The following DGKE variants were observed in gnomAD, a reference collection of about 807,000 sequenced individuals.
The protein encoded by DGKE is DAG kinase epsilon.
In DGKE, 53 loss-of-function variants were observed where a neutral mutation model predicts 70.0. The observed-to-expected ratio is 0.76, with a 90% CI of 0.61 to 0.95. The LOEUF (loss-of-function observed/expected upper bound fraction) is 0.95, where lower values mean the gene tolerates loss of function less well. Among genes scored for constraint, DGKE ranks in the 40% least tolerant of loss-of-function variants. The pLI, the probability that DGKE is intolerant of heterozygous loss-of-function variation, is 0.00. For missense variants in DGKE, 655 were observed against 706.9 expected (o/e 0.93, Z 0.83); for synonymous variants, 291 against 257.0 (o/e 1.13, Z -1.27).
chr17:56,837,104 T>C (rs765474137), intron 2 of DGKE, among the ~76,000 whole-genome samples: 1 of 152,234 alleles, frequency 6.6e-6, no homozygotes, highest in Non-Finnish European at 1.5e-5. Flanking sequence ...CTGTTAGAAA[T>C]GCAAATTCTA....
intron 4 of DGKE, among the ~76,000 whole-genome samples, chr17:56,847,040 A>G (rs1048065596): frequency 1.3e-5 from 2 of 152,196 alleles, no homozygotes; most frequent in Non-Finnish European, 2.9e-5. Context: ...CACTGTCTCT[A>G]TGATTGTACT....
rs1906524712 is a variant in DGKE, at chr17:56,835,200, C to T, written c.405C>T (p.Cys135=). ...GGATCCGGGGCAACGTGCCCCTGTGCAGTTACTGTATGGTTTGCAAGCAGC... is the reference window on the plus strand; with the variant it reads ...GGATCCGGGGCAACGTGCCCCTGTGTAGTTACTGTATGGTTTGCAAGCAGC... The part of the protein sequence containing the change: ...HHWIRGNVPL[C]SYCMVCKQQC... Residue 135 remains cysteine (C), a synonymous_variant, in exon 2 of 12, where the codon TGC becomes TGT. Transcript: ENST00000284061. 1.2e-6 allele frequency: 2 copies of T among 1,613,822 alleles called. No individual in the cohort carries two copies. Among genetic ancestry groups the T allele is most frequent in the South Asian group, 2.2e-5 (2 of 91,090 alleles).
intron 1 of DGKE, 64 bp from the exon 2 acceptor site, chr17:56,834,714 G>T: frequency 1.4e-6 from 2 of 1,459,666 alleles, no homozygotes; most frequent in Middle Eastern, 2.5e-4. Flanking sequence ...CCCCGGAAAG[G>T]CAGGAAGGGG....
intron 7 of DGKE, 149 bp downstream of exon 7, chr17:56,849,381 G>A: frequency 1.5e-6 from 1 of 648,600 alleles, no homozygotes; most frequent in Non-Finnish European, 2.6e-6. Context: ...TCACAAGCTG[G>A]ACTGTAAATG....
rs544912099 is a variant in DGKE at position 56,869,330 on chromosome 17, A to G, written c.*6539A>G. On this transcript the variant is annotated 3_prime_UTR_variant, in exon 12 of 12. Transcript: ENST00000284061. ...AAGGTTATATGATAATTATTAGGGCAGGAGAGTGAATGCATCTTAATATGC... is the reference window on the plus strand; with the variant it reads ...AAGGTTATATGATAATTATTAGGGCGGGAGAGTGAATGCATCTTAATATGC... The G allele has an allele frequency of 6.6e-6, 1 of 152,372 alleles. No individual in the cohort carries two copies. The highest frequency in any genetic ancestry group is 6.5e-5 in the Admixed American group (1 of 15,308). The allele number at this position is 152,372 out of a possible 1,614,324, so 9.4% of individuals were successfully genotyped here. A position where few individuals can be genotyped will look rare whatever the true frequency, so the allele number is the denominator to read the frequency against.
chr17:56,834,874 C>T lies in DGKE; in HGVS notation c.79C>T (p.Leu27=). Residue 27 remains leucine (L), a synonymous_variant, in exon 2 of 12, where the codon CTG becomes TTG. Coordinates refer to ENST00000284061, the MANE Select transcript of DGKE (RefSeq NM_003647.3). ...FADGHLILWT[L]CSVLLPVFIT... ...GGACGGGCACCTGATCTTGTGGACG[C>T]TGTGCTCGGTCCTGCTGCCGGTGTT... is the stretch of plus-strand genomic sequence containing the variant. 1.2e-6 allele frequency: 2 copies of T among 1,613,286 alleles called. No homozygotes were observed. The highest frequency in any genetic ancestry group is 1.1e-5 in the South Asian group (1 of 91,062).
At chr17:56,843,255 G>A (rs1440270932) in intron 2 of DGKE, among the ~76,000 whole-genome samples, 1 of 152,038 alleles carries the variant, frequency 6.6e-6, no homozygotes, top group Non-Finnish European at 1.5e-5. Flanking sequence ...TAAAATAATA[G>A]TTACAAATGG....
intron 2 of DGKE, among the ~76,000 whole-genome samples, chr17:56,841,987 G>A (rs1272266315): frequency 6.6e-6 from 1 of 151,912 alleles, no homozygotes; most frequent in Admixed American, 6.6e-5. Flanking sequence ...CTTGTTTTTT[G>A]GGACAGGGTC....
intron 2 of DGKE, chr17:56,835,965 C>T (rs1424009152): frequency 1.3e-5 from 2 of 152,230 alleles, no homozygotes; most frequent in African/African-American, 2.4e-5. Flanking sequence ...AAGGAGAATG[C>T]TGCTTTGCAA....
intron 1 of DGKE, 29 bp downstream of exon 1, chr17:56,834,289 G>C (rs1282841523): frequency 6.5e-6 from 1 of 153,732 alleles, no homozygotes; most frequent in African/African-American, 2.4e-5. Flanking sequence ...GCGCGGCGCA[G>C]GTCTCCGGAG....
chr17:56,849,280 AAGATACGGCAC>A (rs1361264984), intron 7 of DGKE, 48 bp downstream of exon 7: 3 of 1,528,468 alleles, frequency 2.0e-6, no homozygotes, highest in Non-Finnish European at 2.7e-6. Context: ...TTCATTGCAC[AAGATACGGCAC>A]TCTGTGGTGG....
Position 56,861,656 on chromosome 17 carries a change from T to TG in DGKE, c.1285-134dup. The TG allele has an allele frequency of 4.4e-6, 5 of 1,130,592 alleles. No homozygotes were observed. In the South Asian group the frequency reaches 7.5e-5, roughly 17 times the overall value. 70.0% of individuals were successfully genotyped at this position (1,130,592 alleles called of 1,614,324 possible). On this transcript the variant is annotated intron_variant, in intron 9 of 11. Transcript: ENST00000284061. Reference sequence around the variant, plus strand: ...AAAAGGGCAGATGAGAGGCCCTGAGTGAGAGGTAGGGAGCATCTTCTACAT... The same window carrying TG: ...AAAAGGGCAGATGAGAGGCCCTGAGTGGAGAGGTAGGGAGCATCTTCTACAT...
chr17:56,853,233 G>A (rs1907755781), intron 7 of DGKE, among the ~76,000 whole-genome samples: 1 of 152,160 alleles, frequency 6.6e-6, no homozygotes, highest in Admixed American at 6.5e-5. Context: ...TTTCTCCCAA[G>A]CTGTGGGTTG....
At chr17:56,845,596 C>T in intron 3 of DGKE, 94 bp from the exon 4 acceptor site, 4 of 1,308,034 alleles carry the variant, frequency 3.1e-6, no homozygotes, top group Non-Finnish European at 4.1e-6. Flanking sequence ...GTTTTTATTT[C>T]AGCAAATTAT....
chr17:56,845,365 G>A (rs1489767909), intron 3 of DGKE, among the ~76,000 whole-genome samples: 1 of 152,168 alleles, frequency 6.6e-6, no homozygotes, highest in Admixed American at 6.5e-5. Context: ...TTTCAACTCA[G>A]TTTAAGTCCA....
Position 56,847,897 on chromosome 17 carries a change from ATTTGTC to A in DGKE, c.745-21_745-16del, listed in dbSNP as rs758906596. On this transcript the variant is annotated intron_variant, in intron 4 of 11. Coordinates refer to ENST00000284061, the MANE Select transcript of DGKE (RefSeq NM_003647.3). ...TGAAGGAAAATGTTGGATAAAAATAATTTGTCTTTTTCTTTTGTTTCTAGGTTTTTG... is the reference window on the plus strand; with the variant it reads ...TGAAGGAAAATGTTGGATAAAAATAATTTTTCTTTTGTTTCTAGGTTTTTG... 520 of 1,518,292 alleles carry A rather than the reference ATTTGTC, an allele frequency of 3.4e-4. 2 individuals carry two copies. Among genetic ancestry groups the A allele is most frequent in the Middle Eastern group, 5.7e-4 (3 of 5,302 alleles). 94.1% of individuals were successfully genotyped at this position (1,518,292 alleles called of 1,614,324 possible).
At position 56,849,246 on chromosome 17, in the gene DGKE, G is replaced by T. The variant is rs1469438842; in HGVS notation, c.1098+14G>T. 8 of 1,607,742 alleles carry T rather than the reference G, an allele frequency of 5.0e-6. No homozygotes were observed. The African/African-American group carries it at 1.1e-4, about 22-fold the overall frequency. Reference sequence around the variant, plus strand: ...AGAAAACCCAAGGTATGTTGTTAGTGCCTCAGTTGCAAGTGGTTTCAGCTT... The same window carrying T: ...AGAAAACCCAAGGTATGTTGTTAGTTCCTCAGTTGCAAGTGGTTTCAGCTT... On this transcript the variant is annotated intron_variant, in intron 7 of 11. Transcript: ENST00000284061.
rs561537916 is a variant in DGKE, at chr17:56,845,819, GA to G, written c.744+17del. On this transcript the variant is annotated intron_variant, in intron 4 of 11. Transcript: ENST00000284061. ...GTTGAATCCAGTCCAGGTAACTAAA[GA>G]AAAAAACTTTTTATATTAATGTTTT... is the stretch of plus-strand genomic sequence containing the variant. 3.2e-3 allele frequency: 5,011 copies of G among 1,559,648 alleles called. 24 individuals are homozygous for G. The highest frequency in any genetic ancestry group is 0.013 in the South Asian group (1,031 of 81,576).
intron 9 of DGKE, among the ~76,000 whole-genome samples, chr17:56,860,397 C>T (rs1047615019): frequency 3.9e-5 from 6 of 152,166 alleles, no homozygotes; most frequent in African/African-American, 1.4e-4. Flanking sequence ...AGCATAGTGG[C>T]ATGTACCTGT....
Sources: allele counts gnomAD v4.1 joint callset (sites outside exome capture counted in the v4.1 genomes callset), GRCh38; gene constraint gnomAD v4.1.1; transcripts MANE v1.5; gene names NCBI Gene and HGNC (gene_info 2026-07-23, HGNC 2026-07-21).